Variants in TFDP1 observed in about 807,000 individuals in gnomAD.
The protein encoded by TFDP1 is DRTF1-polypeptide 1.
TFDP1 carries 6 observed loss-of-function variants against 48.0 expected under a neutral mutation model. The observed-to-expected ratio is 0.13, with a 90% CI of 0.07 to 0.25. TFDP1 has a LOEUF of 0.25. Among genes scored for constraint, TFDP1 ranks in the 10% least tolerant of loss-of-function variants. TFDP1 has a pLI of 1.00. For synonymous variants in TFDP1, 201 were observed against 211.6 expected (o/e 0.95, Z 0.44); for missense variants, 335 against 543.0 (o/e 0.62, Z 3.81).
chr13:113,624,633 C>CTCTCACATGTCCTCAGGTGTG (rs2049080747), intron 4 of TFDP1, among the ~76,000 whole-genome samples: 2 of 84,184 alleles, frequency 2.4e-5, no homozygotes, highest in East Asian at 6.8e-4. Context: ...CTTCAGGTGT[C>CTCTCACATGTCCTCAGGTGTG]TCTCAGGGTG....
At chr13:113,605,763 G>C (rs956438022) in intron 2 of TFDP1, among the ~76,000 whole-genome samples, 1 of 152,250 alleles carries the variant, frequency 6.6e-6, no homozygotes, top group African/African-American at 2.4e-5. Flanking sequence ...ATCCTCCTGG[G>C]GGTCACAGAA....
At chr13:113,636,784 A>T (rs2049502790) in intron 10 of TFDP1, 84 bp downstream of exon 10, 5 of 1,485,712 alleles carry the variant, frequency 3.4e-6, no homozygotes, top group South Asian at 1.3e-5. Flanking sequence ...CCGGCTCGGG[A>T]TGTGTCTTGC....
intron 3 of TFDP1, 38 bp downstream of exon 3, chr13:113,611,100 G>T (rs763545968): frequency 6.5e-7 from 1 of 1,545,810 alleles, no homozygotes; most frequent in South Asian, 1.1e-5. Context: ...TTGTGTTGAT[G>T]AATGCATGAA....
At position 113,625,338 on chromosome 13, in the gene TFDP1, G is replaced by A. The variant is rs79318332; in HGVS notation, c.186+2052G>A. Among the ~76,000 whole-genome samples the A allele has an allele frequency of 1.0e-4, 9 of 87,168 alleles. 1 individual carries two copies. The South Asian group carries it at 1.1e-3, about 11-fold the overall frequency. The allele number at this position is 87,168 out of a possible 152,430, so 57.2% of individuals were successfully genotyped here. On this transcript the variant is annotated intron_variant, in intron 4 of 11. Transcript: ENST00000375370. Reference sequence around the variant, plus strand: ...CACGTGTTTCTCAGGCGTCTCTCACGTGTCCTCAGGCGTCTCTCACGTGTC... The same window carrying A: ...CACGTGTTTCTCAGGCGTCTCTCACATGTCCTCAGGCGTCTCTCACGTGTC...
At chr13:113,591,483 T>C (rs967329754) in intron 2 of TFDP1, among the ~76,000 whole-genome samples, 5 of 152,214 alleles carry the variant, frequency 3.3e-5, no homozygotes, top group African/African-American at 1.2e-4. Context: ...CTCTTTACTT[T>C]TGGTATTTGG....
At chr13:113,629,331 C>T (rs535824811) in intron 4 of TFDP1, among the ~76,000 whole-genome samples, 2 of 152,296 alleles carry the variant, frequency 1.3e-5, no homozygotes, top group East Asian at 3.9e-4. Context: ...TCTCAGGGTG[C>T]CCCTGGGTGC....
Position 113,623,166 on chromosome 13 carries a change from T to C in TFDP1, c.80-14T>C. 6.2e-7 allele frequency: 1 copy of C among 1,610,094 alleles called. No individual in the cohort carries two copies. ...AAGGAGTCTCGCCCTTGACCTGGTG[T>C]CCTTGTGTTGCAGGCGTGGTGTCCC... On this transcript the variant is annotated splice_polypyrimidine_tract_variant and intron_variant, in intron 3 of 11. Coordinates refer to ENST00000375370, the MANE Select transcript of TFDP1 (RefSeq NM_007111.5). The surrounding 1 kb of genome is among the most constrained non-coding windows in gnomAD (Gnocchi z 5.2).
chr13:113,613,733 AGT>A (rs907196215), intron 3 of TFDP1, among the ~76,000 whole-genome samples: 6 of 107,592 alleles, frequency 5.6e-5, no homozygotes, highest in South Asian at 2.8e-4. Flanking sequence ...TGTGTGCATG[AGT>A]GTGTCTGTGT....
intron 4 of TFDP1, among the ~76,000 whole-genome samples, chr13:113,625,915 C>G (rs1303451037): frequency 7.1e-6 from 1 of 141,034 alleles, no homozygotes; most frequent in Non-Finnish European, 1.5e-5. Flanking sequence ...CCTCAGGTGT[C>G]TCTCACGTGT....
intron 3 of TFDP1, among the ~76,000 whole-genome samples, chr13:113,616,203 C>CAA (rs759656354): frequency 6.4e-4 from 48 of 75,062 alleles, no homozygotes; most frequent in East Asian, 3.4e-3. Context: ...ACTCTGTCTC[C>CAA]AAAAAAAAAA....
intron 2 of TFDP1, among the ~76,000 whole-genome samples, chr13:113,597,956 C>T (rs1452087779): frequency 7.9e-5 from 12 of 152,150 alleles, no homozygotes; most frequent in Non-Finnish European, 1.2e-4. Context: ...GTGGAGTCTC[C>T]GAGGCAGCAG....
intron 4 of TFDP1, among the ~76,000 whole-genome samples, chr13:113,625,821 G>A (rs1413887986): frequency 7.3e-6 from 1 of 136,064 alleles, no homozygotes; most frequent in African/African-American, 2.8e-5. Context: ...TGTCTCACGC[G>A]TCCTCAGGTG....
Position 113,592,219 on chromosome 13 carries a change from G to A in TFDP1, c.12+6370G>A, listed in dbSNP as rs191183024. Among the ~76,000 whole-genome samples the A allele has an allele frequency of 4.0e-3, 605 of 152,342 alleles. 7 individuals are homozygous for A. Among genetic ancestry groups the A allele is most frequent in the African/African-American group, 0.014 (567 of 41,570 alleles). On this transcript the variant is annotated intron_variant, in intron 2 of 11. Coordinates refer to ENST00000375370, the MANE Select transcript of TFDP1 (RefSeq NM_007111.5). ...TGCCCAGGCTGGAGTGCAATGGCAC[G>A]ATCTTGGCTCACCACAACCTCTGTC...
At chr13:113,637,020 T>C in intron 10 of TFDP1, 22 of 226,916 alleles carry the variant, frequency 9.7e-5, no homozygotes, top group Middle Eastern at 1.5e-3. Flanking sequence ...GAAGTTGAGA[T>C]TCTTTGAGAA....
At chr13:113,616,491 G>A (rs1335471651) in intron 3 of TFDP1, among the ~76,000 whole-genome samples, 3 of 152,170 alleles carry the variant, frequency 2.0e-5, no homozygotes, top group Admixed American at 6.5e-5. Context: ...GCGCCAGGCC[G>A]GGTCCCTCGT....
chr13:113,593,216 C>T (rs1450943390), intron 2 of TFDP1, among the ~76,000 whole-genome samples: 1 of 137,612 alleles, frequency 7.3e-6, no homozygotes, highest in Non-Finnish European at 1.5e-5. Flanking sequence ...TCAGCCCTGT[C>T]CAGGTGACAG....
At chr13:113,634,110 G>A (rs569898485) in intron 7 of TFDP1, 77 bp downstream of exon 7, 3 of 1,599,392 alleles carry the variant, frequency 1.9e-6, no homozygotes, top group South Asian at 2.2e-5. Flanking sequence ...TCACTCAGAA[G>A]GGTCTGGGCT....
In TFDP1 at chr13:113,631,696, A is replaced by C. The variant is rs2049341080; in HGVS notation, c.260A>C (p.His87Pro). ...VVGSPHTPST[H>P]FASQNQPSDS... ...GGAAGCCCACACACCCCCAGCACTC[A>C]CTTTGCCTCTCAGAACCAGCCTTCC... Residue 87 changes from histidine to proline, a missense_variant, in exon 5 of 12, where the codon CAC becomes CCC. Physicochemically the swap from His to Pro is moderately conservative, Grantham distance 77 (BLOSUM62 -2). This residue lies in a region of TFDP1 where 103 missense variants were observed against 140.4 expected (regional missense o/e 0.73). Coordinates refer to ENST00000375370, the MANE Select transcript of TFDP1 (RefSeq NM_007111.5). 1.9e-6 allele frequency: 3 copies of C among 1,613,852 alleles called. No individual in the cohort carries two copies. Among genetic ancestry groups the C allele is most frequent in the Admixed American group, 3.3e-5 (2 of 59,972 alleles).
At chr13:113,637,313 T>G in intron 10 of TFDP1, 1 of 283,590 alleles carries the variant, frequency 3.5e-6, no homozygotes, top group Non-Finnish European at 6.8e-6. Context: ...TGTAGATTTA[T>G]TCCCTGAGAG....
Sources: allele counts gnomAD v4.1 joint callset (sites outside exome capture counted in the v4.1 genomes callset), GRCh38; gene constraint gnomAD v4.1.1; regional missense constraint gnomAD v4.1.1; non-coding constraint Gnocchi (gnomAD v3.1); transcripts MANE v1.5; gene names NCBI Gene and HGNC (gene_info 2026-07-23, HGNC 2026-07-21).